The following ABCA5 variants were observed in gnomAD, a reference collection of about 807,000 sequenced individuals.
ABCA5 encodes the protein cholesterol transporter ABCA5.
In ABCA5, 163 loss-of-function variants were observed where a neutral mutation model predicts 206.0. The ratio of observed to expected loss-of-function variants is 0.79; its 90% CI spans 0.70 to 0.90. ABCA5 has a LOEUF of 0.90. Ranked by LOEUF, ABCA5 falls within the 40% of genes least tolerant of loss-of-function variation. The pLI is 0.00. For synonymous variants in ABCA5, 609 were observed against 613.8 expected (o/e 0.99, Z 0.11); for missense variants, 1,859 against 1,912.9 (o/e 0.97, Z 0.53).
Position 69,260,342 on chromosome 17 carries a change from A to T in ABCA5, c.3635T>A (p.Ile1212Lys). Residue 1212 changes from isoleucine to lysine, a missense_variant, in exon 27 of 39, where the codon ATA becomes AAA. By Grantham distance (102) the Ile-to-Lys change is moderately radical. Coordinates refer to ENST00000392676, the MANE Select transcript of ABCA5 (RefSeq NM_172232.4). ...CAAAAACACTTTATTTCTTACCGAT[A>T]TAACAGCTACTGAAAGCCTATCCCA... ...NPWDRLSVAVISPYLQCVLWI... is the reference protein window; with the variant it reads ...NPWDRLSVAVKSPYLQCVLWI... The T allele has an allele frequency of 6.2e-7, 1 of 1,602,998 alleles. No individual in the cohort carries two copies. The highest frequency in any genetic ancestry group is 1.1e-5 in the South Asian group (1 of 89,776).
intron 15 of ABCA5, among the ~76,000 whole-genome samples, chr17:69,287,246 A>C (rs542227169): frequency 3.9e-5 from 6 of 152,320 alleles, no homozygotes; most frequent in African/African-American, 1.4e-4. Context: ...ATTAAAGCAC[A>C]TCTGTCTACT....
intron 15 of ABCA5, among the ~76,000 whole-genome samples, chr17:69,287,318 C>A (rs1281161164): frequency 1.3e-5 from 2 of 152,104 alleles, no homozygotes; most frequent in Admixed American, 6.6e-5. Flanking sequence ...GCCTCATATA[C>A]CTTTTCCCTT....
intron 18 of ABCA5, among the ~76,000 whole-genome samples, chr17:69,280,584 C>T (rs1246014939): frequency 1.7e-3 from 251 of 151,346 alleles, no homozygotes; most frequent in African/African-American, 5.7e-3. Flanking sequence ...CACATGCACA[C>T]ATATGTTTAT....
chr17:69,253,556 A>G lies in ABCA5; in HGVS notation c.4415+17T>C, dbSNP rs2075040515. On this transcript the variant is annotated intron_variant, in intron 34 of 38. Transcript: ENST00000392676. ...ATTCTAAAGTATCATGTACTGTGTC[A>G]CAAGTACCATACTCACCACATGTGC... 6.4e-7 allele frequency: 1 copy of G among 1,559,822 alleles called. No homozygotes were observed. Among genetic ancestry groups the G allele is most frequent in the African/African-American group, 1.4e-5 (1 of 73,878 alleles).
At chr17:69,257,171 C>A (rs1231499312) in intron 28 of ABCA5, among the ~76,000 whole-genome samples, 1 of 151,948 alleles carries the variant, frequency 6.6e-6, no homozygotes, top group East Asian at 1.9e-4. Context: ...TCAACACCAG[C>A]CTAGCCACCA....
rs558109545 is a variant in ABCA5, at chr17:69,284,267, TG to T, written c.2273-196del. ...GTCTTAGCTACTCAGGAGACTCAGGTGGGAGGATCACTTGAGCCCAGGAGTT... is the reference window on the plus strand; with the variant it reads ...GTCTTAGCTACTCAGGAGACTCAGGTGGAGGATCACTTGAGCCCAGGAGTT... On this transcript the variant is annotated intron_variant, in intron 17 of 38. Transcript: ENST00000392676. Among the ~76,000 whole-genome samples the T allele has an allele frequency of 5.9e-5, 9 of 152,184 alleles. No homozygotes were observed. In the East Asian group the frequency reaches 1.3e-3, roughly 23 times the overall value.
chr17:69,317,076 T>C (rs11650658), intron 1 of ABCA5: 58,312 of 151,980 alleles, frequency 0.38, 12,153 homozygotes, highest in Middle Eastern at 0.5. Flanking sequence ...CTGTGGCATA[T>C]ACATACAATT....
intron 28 of ABCA5, among the ~76,000 whole-genome samples, chr17:69,257,570 T>C (rs138667562): frequency 1.2e-3 from 187 of 151,848 alleles, no homozygotes; most frequent in African/African-American, 4.4e-3. Flanking sequence ...TAGAAGAATT[T>C]TGGCTATGAA....
At position 69,279,653 on chromosome 17, in the gene ABCA5, C is replaced by CA. The variant is rs1195696117; in HGVS notation, c.2393-1812dup. 1.1e-4 allele frequency among the ~76,000 whole-genome samples: 17 copies of CA among 152,190 alleles called. No individual in the cohort carries two copies. In the South Asian group the frequency reaches 3.1e-3, roughly 28 times the overall value. On this transcript the variant is annotated intron_variant, in intron 18 of 38. Coordinates refer to ENST00000392676, the MANE Select transcript of ABCA5 (RefSeq NM_172232.4). ...AACTATACTACAAGGCCACAGTAAC[C>CA]AAAACAGCATGGTACTGGTACCAAA...
intron 21 of ABCA5, 145 bp downstream of exon 21, chr17:69,271,017 C>A: frequency 6.6e-6 from 7 of 1,068,666 alleles, no homozygotes; most frequent in Non-Finnish European, 8.9e-6. Context: ...TGAAATATAT[C>A]ATAAATAAAG....
chr17:69,274,947 G>A (rs1218244607), intron 19 of ABCA5, among the ~76,000 whole-genome samples: 1 of 143,718 alleles, frequency 7.0e-6, no homozygotes, highest in Non-Finnish European at 1.5e-5. Context: ...AGGTTCAAAC[G>A]ATTGTCATGC....
chr17:69,279,219 A>AC (rs2075364736), intron 18 of ABCA5, among the ~76,000 whole-genome samples: 1 of 152,194 alleles, frequency 6.6e-6, no homozygotes, highest in Non-Finnish European at 1.5e-5. Flanking sequence ...TGCAAAAATC[A>AC]CAAGCATTCC....
chr17:69,324,479 C>G (rs2075885349), intron 1 of ABCA5, among the ~76,000 whole-genome samples: 1 of 152,198 alleles, frequency 6.6e-6, no homozygotes, highest in Non-Finnish European at 1.5e-5. Flanking sequence ...TATGAAGTTT[C>G]TGGTATCCAA....
At chr17:69,286,360 A>G in intron 15 of ABCA5, 49 bp from the exon 16 acceptor site, 3 of 1,482,532 alleles carry the variant, frequency 2.0e-6, no homozygotes, top group Non-Finnish European at 9.2e-7. Context: ...AACAGCATTA[A>G]TAATTGGCAT....
At chr17:69,299,845 TA>T (rs531259329) in intron 9 of ABCA5, among the ~76,000 whole-genome samples, 2 of 151,826 alleles carry the variant, frequency 1.3e-5, no homozygotes, top group African/African-American at 2.4e-5. Flanking sequence ...AAAAATCTAT[TA>T]AAAAATAATA....
intron 24 of ABCA5, among the ~76,000 whole-genome samples, 193 bp from the exon 25 acceptor site, chr17:69,261,941 C>T (rs2075152685): frequency 6.6e-6 from 1 of 152,012 alleles, no homozygotes; most frequent in African/African-American, 2.4e-5. Flanking sequence ...GTATAGCTAG[C>T]TACAACGTTC....
intron 35 of ABCA5, chr17:69,251,147 T>A (rs2075008721): frequency 6.5e-6 from 1 of 152,912 alleles, no homozygotes; most frequent in Non-Finnish European, 1.5e-5. Context: ...GCTGTAGTAC[T>A]TTTTCCATCA....
At position 69,254,523 on chromosome 17, in the gene ABCA5, G is replaced by C. The variant is rs1161897576; in HGVS notation, c.4069-33C>G. The C allele has an allele frequency of 1.9e-6, 3 of 1,586,534 alleles. No individual in the cohort carries two copies. In the Admixed American group the frequency reaches 5.2e-5, roughly 28 times the overall value. ...AACACAAACCAATTTTTATTATTTTGCTTAATTTACACTGTGAAGGAAGTG... is the reference window on the plus strand; with the variant it reads ...AACACAAACCAATTTTTATTATTTTCCTTAATTTACACTGTGAAGGAAGTG... On this transcript the variant is annotated intron_variant, in intron 31 of 38. Transcript: ENST00000392676.
At chr17:69,301,095 A>C in intron 9 of ABCA5, 44 bp downstream of exon 9, 1 of 1,483,624 alleles carries the variant, frequency 6.7e-7, no homozygotes, top group East Asian at 2.5e-5. Flanking sequence ...TGGGCAAAAA[A>C]GCCTAAAAAT....
Sources: gnomAD v4.1 joint callset for allele counts (sites outside exome capture counted in the v4.1 genomes callset) on GRCh38, gnomAD v4.1.1 for gene constraint, MANE v1.5 for transcripts, NCBI Gene and HGNC (gene_info 2026-07-23, HGNC 2026-07-21) for gene names.